VPS13C: variants seen among roughly 807,000 people sequenced by gnomAD.
VPS13C encodes the protein intermembrane lipid transfer protein VPS13C.
In VPS13C, 358 loss-of-function variants were observed where a neutral mutation model predicts 456.8. The observed-to-expected ratio is 0.78, with a 90% CI of 0.72 to 0.86. VPS13C has a LOEUF of 0.86. Among genes scored for constraint, VPS13C ranks in the 40% least tolerant of loss-of-function variants. The pLI is 0.00. For missense variants in VPS13C, 4,818 were observed against 4,385.4 expected, an observed-to-expected ratio of 1.10 and a Z score of -2.79; for synonymous variants, 1,578 against 1,486.7, an observed-to-expected ratio of 1.06 and a Z score of -1.41.
intron 16 of VPS13C, among the ~76,000 whole-genome samples, chr15:61,994,325 T>C (rs945689459): frequency 3.9e-5 from 6 of 152,230 alleles, no homozygotes; most frequent in African/African-American, 1.4e-4. Context: ...ACTTAAGTCA[T>C]GGAGGATTGA....
intron 6 of VPS13C, 152 bp downstream of exon 6, chr15:62,028,206 G>A: frequency 1.4e-6 from 1 of 691,602 alleles, no homozygotes; most frequent in Non-Finnish European, 2.4e-6. Flanking sequence ...CTACAGGTAA[G>A]GAAAAGGAAA....
At chr15:61,889,712 T>G (rs534306294) in intron 67 of VPS13C, among the ~76,000 whole-genome samples, 2 of 152,282 alleles carry the variant, frequency 1.3e-5, no homozygotes, top group Admixed American at 6.5e-5. Context: ...CTCTGAACCT[T>G]TTTTCCAATT....
At chr15:61,886,970 C>A (rs573092132) in intron 67 of VPS13C, among the ~76,000 whole-genome samples, 5 of 152,272 alleles carry the variant, frequency 3.3e-5, no homozygotes, top group African/African-American at 1.2e-4. Context: ...TAGTGAGAAA[C>A]CAGATGCTTT....
intron 1 of VPS13C, among the ~76,000 whole-genome samples, chr15:62,045,120 A>C (rs1013766661): frequency 2.6e-5 from 4 of 152,070 alleles, no homozygotes; most frequent in Non-Finnish European, 4.4e-5. Context: ...CATTTTAGAG[A>C]TCTGCTTTTC....
chr15:61,873,460 G>C (rs1333039942), intron 77 of VPS13C, 51 bp from the exon 78 acceptor site: 13 of 1,515,194 alleles, frequency 8.6e-6, no homozygotes, highest in Non-Finnish European at 1.2e-5. Flanking sequence ...ACTATACAAG[G>C]AACTCAACAG....
intron 65 of VPS13C, among the ~76,000 whole-genome samples, chr15:61,907,920 A>G (rs1196143248): frequency 6.6e-6 from 1 of 152,138 alleles, no homozygotes; most frequent in Non-Finnish European, 1.5e-5. Context: ...GTGACCAGCT[A>G]AGCTTTTTAA....
At position 61,909,065 on chromosome 15, in the gene VPS13C, CA is replaced by C. The variant is rs1161254008; in HGVS notation, c.8904del (p.Asp2969IlefsTer10). ...GCAGGTGCAGATCCCTCATGGTAAT[CA>C]GAAAAAGTTATGACAGTTGAATGTT... ...TAEHSTVITF[S>X]DYHEGSAPAL... is the part of the protein sequence containing the mutation. On this transcript the variant is annotated frameshift_variant, in exon 65 of 85. Coordinates refer to ENST00000644861, the MANE Select transcript of VPS13C (RefSeq NM_020821.3). LOFTEE classifies it high-confidence loss of function. The C allele has an allele frequency of 6.2e-7, 1 of 1,613,126 alleles. No individual in the cohort carries two copies. The highest frequency in any genetic ancestry group is 1.3e-5 in the African/African-American group (1 of 74,588).
At chr15:61,952,080 T>C (rs1274590316) in intron 38 of VPS13C, 100 bp from the exon 39 acceptor site, 6 of 1,380,082 alleles carry the variant, frequency 4.3e-6, no homozygotes, top group East Asian at 2.3e-5. Flanking sequence ...AAGGAAGAAA[T>C]TCACACAATG....
intron 5 of VPS13C, among the ~76,000 whole-genome samples, chr15:62,032,044 C>T (rs1301955451): frequency 1.3e-5 from 2 of 151,678 alleles, no homozygotes; most frequent in Non-Finnish European, 3.0e-5. Flanking sequence ...ATATATGTAA[C>T]TTATTATGTA....
chr15:62,046,919 G>T (rs1447040162), intron 1 of VPS13C, among the ~76,000 whole-genome samples: 2 of 152,040 alleles, frequency 1.3e-5, no homozygotes, highest in Non-Finnish European at 2.9e-5. Flanking sequence ...CTGGGTGGTA[G>T]AATTAAAGAT....
chr15:61,952,411 C>T (rs1329125305), intron 38 of VPS13C, among the ~76,000 whole-genome samples: 11 of 152,176 alleles, frequency 7.2e-5, no homozygotes, highest in Non-Finnish European at 4.4e-5. Context: ...GCAATGCAAA[C>T]TGCTCCCCTT....
intron 76 of VPS13C, 151 bp from the exon 77 acceptor site, chr15:61,875,102 G>T: frequency 1.6e-6 from 1 of 629,590 alleles, no homozygotes; most frequent in Non-Finnish European, 2.4e-6. Flanking sequence ...CCCAAATATG[G>T]ATAGAATATC....
At chr15:61,876,179 T>A (rs1219267837) in intron 75 of VPS13C, among the ~76,000 whole-genome samples, 2 of 151,986 alleles carry the variant, frequency 1.3e-5, no homozygotes, top group African/African-American at 2.4e-5. Context: ...ATGCCTGTAA[T>A]CCCAACAGTT....
intron 1 of VPS13C, among the ~76,000 whole-genome samples, chr15:62,049,287 G>A (rs2048537760): frequency 6.6e-6 from 1 of 152,154 alleles, no homozygotes; most frequent in African/African-American, 2.4e-5. Flanking sequence ...TGTATAAGGT[G>A]TAAGGAAGGG....
At chr15:61,928,602 G>C (rs2043947472) in intron 51 of VPS13C, among the ~76,000 whole-genome samples, 2 of 152,208 alleles carry the variant, frequency 1.3e-5, no homozygotes, top group African/African-American at 2.4e-5. Flanking sequence ...AAAAGTCACT[G>C]ATCTGGCAGG....
intron 16 of VPS13C, among the ~76,000 whole-genome samples, chr15:61,994,594 CT>C (rs61199977): frequency 0.013 from 1,854 of 145,108 alleles, 43 homozygotes; most frequent in African/African-American, 0.042. Context: ...ATTCAGCTAT[CT>C]TTTTTTTTTT....
intron 53 of VPS13C, among the ~76,000 whole-genome samples, chr15:61,923,832 TC>T (rs2043741793): frequency 7.0e-6 from 1 of 143,716 alleles, no homozygotes. Flanking sequence ...CACCATTCTC[TC>T]CAGCCATATG....
In VPS13C at chr15:62,034,994, G is replaced by C. The variant is rs750943028; in HGVS notation, c.246C>G (p.Thr82=). The stretch of plus-strand genomic sequence containing the variant: ...CAACAAGCAGGTATAATCCTTCCAG[G>C]GTCGCAACAACTGCTTCTCCATAAA... ...KNLYGEAVVA[T]LEGLYLLVVP... is the part of the protein sequence containing the mutation. The change falls in exon 4 of 85, where the codon ACC becomes ACG. Residue 82 remains threonine, a synonymous_variant. Transcript: ENST00000644861. 30 of 1,601,620 alleles carry C rather than the reference G, an allele frequency of 1.9e-5. No homozygotes were observed. The highest frequency in any genetic ancestry group is 2.6e-5 in the Non-Finnish European group (30 of 1,173,116).
At position 61,950,435 on chromosome 15, in the gene VPS13C, T is replaced by G; in HGVS notation, c.4537-18A>C. 6.3e-7 allele frequency: 1 copy of G among 1,588,780 alleles called. No individual in the cohort carries two copies. The highest frequency in any genetic ancestry group is 8.6e-7 in the Non-Finnish European group (1 of 1,158,646). On this transcript the variant is annotated intron_variant, in intron 40 of 84. Coordinates refer to ENST00000644861, the MANE Select transcript of VPS13C (RefSeq NM_020821.3). ...CTGTCTGCCTACAAATAGTGGAGAA[T>G]TACACCACTGAGTTTCAAACACTAA... is the stretch of plus-strand genomic sequence containing the variant.
Sources: allele counts gnomAD v4.1 joint callset (sites outside exome capture counted in the v4.1 genomes callset), GRCh38; gene constraint gnomAD v4.1.1; transcripts MANE v1.5; gene names NCBI Gene and HGNC (gene_info 2026-07-23, HGNC 2026-07-21).